ITGB4: variants seen among roughly 807,000 people sequenced by gnomAD.
ITGB4 encodes the protein integrin subunit beta 4.
A neutral mutation model predicts 207.6 loss-of-function variants in ITGB4; 159 were observed. The observed-to-expected ratio is 0.77, with a 90% CI of 0.67 to 0.87. ITGB4 has a LOEUF of 0.87. Among genes scored for constraint, ITGB4 ranks in the 40% least tolerant of loss-of-function variants. The pLI is 0.00. For synonymous variants in ITGB4, 1,020 were observed against 1,062.7 expected (o/e 0.96, Z 0.78); for missense variants, 2,278 against 2,546.8 (o/e 0.89, Z 2.27).
chr17:75,738,676 G>A (rs1266375494), intron 18 of ITGB4, among the ~76,000 whole-genome samples: 3 of 152,330 alleles, frequency 2.0e-5, no homozygotes, highest in East Asian at 1.9e-4. Flanking sequence ...CGCAGCTGGC[G>A]GTCACTGGGG....
At chr17:75,744,424 A>AG (rs749445175) in intron 26 of ITGB4, among the ~76,000 whole-genome samples, 10 of 151,272 alleles carry the variant, frequency 6.6e-5, no homozygotes, top group Non-Finnish European at 1.5e-4. Context: ...CCGGCCCAAG[A>AG]GGGCTCTTTC....
At chr17:75,737,783 C>A in intron 18 of ITGB4, 139 bp downstream of exon 18, 1 of 750,112 alleles carries the variant, frequency 1.3e-6, no homozygotes. Flanking sequence ...TGGGTCCCCA[C>A]CTCCCCAGGG....
rs141970956 is a variant in ITGB4 at position 75,731,248 on chromosome 17, G to A, written c.1095G>A (p.Arg365=). 98 of 1,613,394 alleles carry A rather than the reference G, an allele frequency of 6.1e-5. No homozygotes were observed. In the African/African-American group the frequency reaches 1.2e-3, roughly 20 times the overall value. Residue 365 remains arginine (R), a splice_region_variant and synonymous_variant, in exon 10 of 40, where the codon CGG becomes CGA. Transcript: ENST00000200181. The surrounding 1 kb of genome is among the most constrained non-coding windows in gnomAD (Gnocchi z 6.8). ...GATCAACCTCCTTCCTCCTTTAGCG[G>A]ATCCGCTCCAACCTGGACATCCGGG... is the stretch of plus-strand genomic sequence containing the variant. ...IVELLEEAFN[R]IRSNLDIRAL...
In ITGB4 at chr17:75,733,532, C is replaced by T; in HGVS notation, c.1497C>T (p.Asp499=). The change falls in exon 13 of 40, where the codon GAC becomes GAT. Residue 499 remains aspartate, a synonymous_variant. Transcript: ENST00000200181. The stretch of plus-strand genomic sequence containing the variant: ...ACTGCTCCACCGGCTCTCTGAGTGA[C>T]ATTCAGCCCTGCCTGCGGGAGGGCG... ...TCNCSTGSLS[D]IQPCLREGED... is the part of the protein sequence containing the mutation. 1 of 1,613,808 alleles carries T rather than the reference C, an allele frequency of 6.2e-7. No homozygotes were observed. The highest frequency in any genetic ancestry group is 8.5e-7 in the Non-Finnish European group (1 of 1,180,044).
Position 75,750,713 on chromosome 17 carries a change from G to A in ITGB4, c.3508G>A (p.Glu1170Lys), listed in dbSNP as rs768678559. Reference sequence around the variant, plus strand: ...CTGGATTCAGGGTGACTCCGAATCCGAAGCCCACCTGCTCGACAGCAAGGT... The same window carrying A: ...CTGGATTCAGGGTGACTCCGAATCCAAAGCCCACCTGCTCGACAGCAAGGT... ...KYWIQGDSES[E>K]AHLLDSKVPS... Residue 1170 changes from glutamate (E) to lysine (K), a missense_variant, in exon 29 of 40, where the codon GAA becomes AAA. Coordinates refer to ENST00000200181, the MANE Select transcript of ITGB4 (RefSeq NM_000213.5). This position sits in a 1 kb window ranked among gnomAD's most constrained non-coding sequence, Gnocchi z 5.5. 2.0e-5 allele frequency: 32 copies of A among 1,613,282 alleles called. 1 individual carries two copies. Among genetic ancestry groups the A allele is most frequent in the South Asian group, 1.5e-4 (14 of 91,094 alleles).
chr17:75,729,226 C>A lies in ITGB4; in HGVS notation c.567-39C>A. The A allele has an allele frequency of 6.2e-7, 1 of 1,601,374 alleles. No individual in the cohort carries two copies. Among genetic ancestry groups the A allele is most frequent in the Non-Finnish European group, 8.6e-7 (1 of 1,169,346 alleles). On this transcript the variant is annotated intron_variant, in intron 6 of 39. Coordinates refer to ENST00000200181, the MANE Select transcript of ITGB4 (RefSeq NM_000213.5). The surrounding 1 kb of genome is among the most constrained non-coding windows in gnomAD (Gnocchi z 4.4). ...GGGGCACTGGGGTCTGCGGCGTCTTCCCCCTGTGACACTCTCTCTCCCTCC... is the reference window on the plus strand; with the variant it reads ...GGGGCACTGGGGTCTGCGGCGTCTTACCCCTGTGACACTCTCTCTCCCTCC...
At chr17:75,755,111 G>C in intron 34 of ITGB4, 1 of 1,607,576 alleles carries the variant, frequency 6.2e-7, no homozygotes, top group South Asian at 1.1e-5. Flanking sequence ...CTGGGCCCTG[G>C]GGTCCCGGAG....
intron 26 of ITGB4, among the ~76,000 whole-genome samples, chr17:75,748,186 C>G (rs2061275834): frequency 8.4e-6 from 1 of 119,646 alleles, no homozygotes; most frequent in Non-Finnish European, 1.7e-5. Context: ...CATAGGGTAA[C>G]CGTGCCTCTA....
rs765698769 is a variant in ITGB4, at chr17:75,739,066, C to T, written c.2221-606C>T. On this transcript the variant is annotated intron_variant, in intron 18 of 39. Coordinates refer to ENST00000200181, the MANE Select transcript of ITGB4 (RefSeq NM_000213.5). This position sits in a 1 kb window ranked among gnomAD's most constrained non-coding sequence, Gnocchi z 5.4. ...ACCCCAGCACTTTGGGAGGCCAAGG[C>T]GGGTGGATCACTTGAGGTCAGGAGT... is the stretch of plus-strand genomic sequence containing the variant. Among the ~76,000 whole-genome samples, 6 of 152,130 alleles carry T rather than the reference C, an allele frequency of 3.9e-5. No individual in the cohort carries two copies. The highest frequency in any genetic ancestry group is 2.6e-4 in the Admixed American group (4 of 15,288).
At chr17:75,755,236 G>C (rs1263145612) in intron 34 of ITGB4, 1 of 1,594,730 alleles carries the variant, frequency 6.3e-7, no homozygotes, top group Non-Finnish European at 8.6e-7. Context: ...TGGCCATCCT[G>C]TCTCCACAGC....
chr17:75,751,095 G>C lies in ITGB4; in HGVS notation c.3777G>C (p.Leu1259=), dbSNP rs148462413. 8.7e-6 allele frequency: 14 copies of C among 1,613,628 alleles called. No homozygotes were observed. The highest frequency in any genetic ancestry group is 1.2e-5 in the Non-Finnish European group (14 of 1,180,036). ...CAGCCTACGAGGTCTGCTATGGCCT[G>C]GTCAACGATGACAACCGTAAGAACC... ...EITAYEVCYG[L]VNDDNRPIGP... Residue 1259 remains leucine, a synonymous_variant, in exon 30 of 40, where the codon CTG becomes CTC. Coordinates refer to ENST00000200181, the MANE Select transcript of ITGB4 (RefSeq NM_000213.5).
chr17:75,754,084 C>T (rs2061431113), intron 33 of ITGB4, 110 bp downstream of exon 33: 1 of 482,342 alleles, frequency 2.1e-6, no homozygotes, highest in Non-Finnish European at 3.4e-6. Flanking sequence ...TTCAGCCAGG[C>T]CCGGGCCTTG....
In ITGB4 at chr17:75,742,835, T is replaced by C. The variant is rs1326212236; in HGVS notation, c.2962+74T>C. On this transcript the variant is annotated intron_variant, in intron 25 of 39. Coordinates refer to ENST00000200181, the MANE Select transcript of ITGB4 (RefSeq NM_000213.5). The surrounding 1 kb of genome is among the most constrained non-coding windows in gnomAD (Gnocchi z 5.9). ...ACTGGTTCCTCCTGCTTAAGTGGAATTGCGACCTGGCCACGTGGCCTGGGC... is the reference window on the plus strand; with the variant it reads ...ACTGGTTCCTCCTGCTTAAGTGGAACTGCGACCTGGCCACGTGGCCTGGGC... The C allele has an allele frequency of 4.9e-6, 7 of 1,437,000 alleles. No homozygotes were observed. In the South Asian group the frequency reaches 4.9e-5, roughly 10 times the overall value. 89.0% of individuals were successfully genotyped at this position (1,437,000 alleles called of 1,614,324 possible).
chr17:75,734,127 G>GTTTTT lies in ITGB4; in HGVS notation c.1657+457_1657+461dup, dbSNP rs58249158. On this transcript the variant is annotated intron_variant, in intron 13 of 39. Coordinates refer to ENST00000200181, the MANE Select transcript of ITGB4 (RefSeq NM_000213.5). ...TGGGTTTTTTGTTGTTGTTGCTGCT[G>GTTTTT]TTTTTTTTTTTTTTTTTTTTTTTTT... Among the ~76,000 whole-genome samples, 185 of 76,094 alleles carry GTTTTT rather than the reference G, an allele frequency of 2.4e-3. 26 individuals carry two copies. The highest frequency in any genetic ancestry group is 0.011 in the African/African-American group (170 of 16,168). 49.9% of individuals were successfully genotyped at this position (76,094 alleles called of 152,430 possible). A position where few individuals can be genotyped will look rare whatever the true frequency, so the allele number is the denominator to read the frequency against.
chr17:75,729,122 G>A lies in ITGB4; in HGVS notation c.567-143G>A, dbSNP rs866257365. 3 of 719,260 alleles carry A rather than the reference G, an allele frequency of 4.2e-6. No individual in the cohort carries two copies. The highest frequency in any genetic ancestry group is 2.8e-5 in the East Asian group (1 of 35,876). The allele number at this position is 719,260 out of a possible 1,614,324, so 44.6% of individuals were successfully genotyped here. On this transcript the variant is annotated intron_variant, in intron 6 of 39. Transcript: ENST00000200181. This position sits in a 1 kb window ranked among gnomAD's most constrained non-coding sequence, Gnocchi z 4.4. Reference sequence around the variant, plus strand: ...GCAGTGAGCCAAGATCGTGCATACCGCACACCAGCCTGGGTGATAAAGCGA... The same window carrying A: ...GCAGTGAGCCAAGATCGTGCATACCACACACCAGCCTGGGTGATAAAGCGA...
rs1283954352 is a variant in ITGB4, at chr17:75,727,025, A to G, written c.80-170A>G. On this transcript the variant is annotated intron_variant, in intron 2 of 39. Coordinates refer to ENST00000200181, the MANE Select transcript of ITGB4 (RefSeq NM_000213.5). This position sits in a 1 kb window ranked among gnomAD's most constrained non-coding sequence, Gnocchi z 6.0. The stretch of plus-strand genomic sequence containing the variant: ...GTGGTGGAGCTTGCAGTGAGCCAGG[A>G]TCACGCCACTGCACTCCAGCCTGGG... Among the ~76,000 whole-genome samples, 1 of 152,044 alleles carries G rather than the reference A, an allele frequency of 6.6e-6. No individual in the cohort carries two copies. Among genetic ancestry groups the G allele is most frequent in the East Asian group, 1.9e-4 (1 of 5,176 alleles).
rs1313585080 is a variant in ITGB4, at chr17:75,750,801, A to G, written c.3596A>G (p.Tyr1199Cys). ...GACTATGAGATGAAGGTGTGCGCCT[A>G]CGGGGCTCAGGGCGAGGGACCCTAC... Reference protein sequence around the residue: ...YCDYEMKVCAYGAQGEGPYSS... With the variant: ...YCDYEMKVCACGAQGEGPYSS... The change falls in exon 29 of 40, where the codon TAC becomes TGC. Residue 1199 changes from tyrosine to cysteine, a missense_variant. Transcript: ENST00000200181. The surrounding 1 kb of genome is among the most constrained non-coding windows in gnomAD (Gnocchi z 5.5). The G allele has an allele frequency of 6.2e-7, 1 of 1,613,406 alleles. No individual in the cohort carries two copies. The highest frequency in any genetic ancestry group is 8.5e-7 in the Non-Finnish European group (1 of 1,180,020).
chr17:75,730,042 G>A (rs1295536815), intron 7 of ITGB4, among the ~76,000 whole-genome samples, 199 bp from the exon 8 acceptor site: 4 of 152,224 alleles, frequency 2.6e-5, no homozygotes, highest in African/African-American at 9.6e-5. Context: ...TGCGGGGGCC[G>A]CATCTCCAGC....
chr17:75,731,289 G>A lies in ITGB4; in HGVS notation c.1136G>A (p.Arg379Gln), dbSNP rs367872059. 205 of 1,613,468 alleles carry A rather than the reference G, an allele frequency of 1.3e-4. No individual in the cohort carries two copies. Among genetic ancestry groups the A allele is most frequent in the Non-Finnish European group, 1.7e-4 (200 of 1,180,024 alleles). Residue 379 changes from arginine to glutamine, a missense_variant, in exon 10 of 40, where the codon CGA becomes CAA. By Grantham distance (43) the Arg-to-Gln change is conservative (BLOSUM62 1). Coordinates refer to ENST00000200181, the MANE Select transcript of ITGB4 (RefSeq NM_000213.5). The surrounding 1 kb of genome is among the most constrained non-coding windows in gnomAD (Gnocchi z 6.8). ...NLDIRALDSP[R>Q]GLRTEVTSKM... is the part of the protein sequence containing the mutation. ...GACATCCGGGCCCTAGACAGCCCCC[G>A]AGGCCTTCGGACAGAGGTCACCTCC...
Sources: allele counts gnomAD v4.1 joint callset (sites outside exome capture counted in the v4.1 genomes callset), GRCh38; gene constraint gnomAD v4.1.1; non-coding constraint Gnocchi (gnomAD v3.1); transcripts MANE v1.5; gene names NCBI Gene and HGNC (gene_info 2026-07-23, HGNC 2026-07-21).